The following GOLPH3L variants were observed in gnomAD, a reference collection of about 807,000 sequenced individuals.
GOLPH3L encodes the protein golgi phosphoprotein 3 like.
In GOLPH3L, 22 loss-of-function variants were observed where a neutral mutation model predicts 30.3. That is an observed-to-expected ratio of 0.73 (90% CI 0.52 to 1.04). GOLPH3L has a LOEUF of 1.04. Among genes scored for constraint, GOLPH3L ranks in the 50% least tolerant of loss-of-function variants. The pLI, the probability that GOLPH3L is intolerant of heterozygous loss-of-function variation, is 0.00. For missense variants in GOLPH3L, 303 were observed against 345.8 expected, an observed-to-expected ratio of 0.88 and a Z score of 0.98; for synonymous variants, 120 against 128.2, an observed-to-expected ratio of 0.94 and a Z score of 0.43.
At chr1:150,659,442 G>A (rs1440727599) in intron 4 of GOLPH3L, among the ~76,000 whole-genome samples, 1 of 152,174 alleles carries the variant, frequency 6.6e-6, no homozygotes, top group African/African-American at 2.4e-5. Flanking sequence ...TGAGAGATCC[G>A]TGCCTTAAGG....
chr1:150,670,535 T>C (rs1271827877), intron 2 of GOLPH3L, among the ~76,000 whole-genome samples: 1 of 152,048 alleles, frequency 6.6e-6, no homozygotes, highest in Non-Finnish European at 1.5e-5. Context: ...AGGCGGAGCT[T>C]GCAGTGAGCC....
intron 2 of GOLPH3L, among the ~76,000 whole-genome samples, chr1:150,692,801 C>T (rs1230099275): frequency 6.6e-6 from 1 of 152,120 alleles, no homozygotes; most frequent in African/African-American, 2.4e-5. Flanking sequence ...TTATATTAAC[C>T]ATTATAAACA....
intron 2 of GOLPH3L, among the ~76,000 whole-genome samples, chr1:150,688,732 C>T (rs901294811): frequency 6.6e-6 from 1 of 152,156 alleles, no homozygotes; most frequent in Non-Finnish European, 1.5e-5. Context: ...GCCTGGGTGA[C>T]AGAATGAGAT....
intron 2 of GOLPH3L, among the ~76,000 whole-genome samples, chr1:150,688,222 T>A (rs906847223): frequency 1.3e-5 from 2 of 152,224 alleles, no homozygotes; most frequent in African/African-American, 4.8e-5. Context: ...ATTTTCTGGA[T>A]ACACTGTATT....
At chr1:150,653,708 A>C (rs1327934681) in intron 4 of GOLPH3L, among the ~76,000 whole-genome samples, 1 of 151,450 alleles carries the variant, frequency 6.6e-6, no homozygotes, top group Admixed American at 6.6e-5. Flanking sequence ...TTCCCACCTG[A>C]GTGTCCCAAA....
chr1:150,655,483 C>CATGCA (rs1447759545), intron 4 of GOLPH3L, among the ~76,000 whole-genome samples: 1 of 152,106 alleles, frequency 6.6e-6, no homozygotes, highest in Non-Finnish European at 1.5e-5. Flanking sequence ...GGGCATGTCC[C>CATGCA]TGGTATGGGA....
At chr1:150,671,283 G>C (rs587708130) in intron 2 of GOLPH3L, among the ~76,000 whole-genome samples, 1 of 151,920 alleles carries the variant, frequency 6.6e-6, no homozygotes, top group African/African-American at 2.4e-5. Flanking sequence ...ATTTGTGTGT[G>C]TATTTCTGTT....
chr1:150,693,838 T>TATATAC (rs1651272148), intron 2 of GOLPH3L, among the ~76,000 whole-genome samples: 1 of 87,370 alleles, frequency 1.1e-5, no homozygotes, highest in African/African-American at 4.5e-5. Context: ...TATATATATA[T>TATATAC]ATATATATAT....
At chr1:150,682,940 T>C (rs1417273045) in intron 2 of GOLPH3L, among the ~76,000 whole-genome samples, 1 of 152,204 alleles carries the variant, frequency 6.6e-6, no homozygotes, top group Non-Finnish European at 1.5e-5. Context: ...CATGTTCCTA[T>C]AGCATTTTTT....
intron 2 of GOLPH3L, among the ~76,000 whole-genome samples, chr1:150,669,419 T>G (rs1465923432): frequency 6.6e-6 from 1 of 152,194 alleles, no homozygotes; most frequent in Non-Finnish European, 1.5e-5. Flanking sequence ...TCTATCTAAC[T>G]TAGTGAATTC....
chr1:150,684,496 T>C (rs773941441), intron 2 of GOLPH3L, among the ~76,000 whole-genome samples: 13 of 151,858 alleles, frequency 8.6e-5, no homozygotes, highest in Non-Finnish European at 1.6e-4. Flanking sequence ...TTTTAAGCTT[T>C]AAGATGCAAG....
chr1:150,664,584 G>T (rs1408056692), intron 2 of GOLPH3L, among the ~76,000 whole-genome samples: 1 of 152,050 alleles, frequency 6.6e-6, no homozygotes, highest in Admixed American at 6.6e-5. Flanking sequence ...CTCCTGAGTA[G>T]CTGGGATTAC....
At chr1:150,691,322 C>G (rs1651205795) in intron 2 of GOLPH3L, among the ~76,000 whole-genome samples, 1 of 152,122 alleles carries the variant, frequency 6.6e-6, no homozygotes, top group Admixed American at 6.6e-5. Flanking sequence ...TCAAGACCAG[C>G]CTGACCAATA....
intron 3 of GOLPH3L, 32 bp downstream of exon 3, chr1:150,663,600 T>G (rs780824642): frequency 6.4e-7 from 1 of 1,573,662 alleles, no homozygotes; most frequent in Non-Finnish European, 8.7e-7. Context: ...TGCCTTTCCA[T>G]AAGCCATGGA....
chr1:150,657,225 A>G (rs1368821746), intron 4 of GOLPH3L, among the ~76,000 whole-genome samples: 1 of 152,258 alleles, frequency 6.6e-6, no homozygotes, highest in Non-Finnish European at 1.5e-5. Context: ...CACTCACATT[A>G]GGGCTCATAA....
chr1:150,695,281 T>C (rs1254843924), intron 1 of GOLPH3L, among the ~76,000 whole-genome samples: 2 of 152,080 alleles, frequency 1.3e-5, no homozygotes, highest in Non-Finnish European at 2.9e-5. Flanking sequence ...GGATTACAGG[T>C]GTGCGCCACC....
intron 2 of GOLPH3L, among the ~76,000 whole-genome samples, chr1:150,664,070 C>T (rs1650437761): frequency 6.6e-6 from 1 of 151,962 alleles, no homozygotes; most frequent in South Asian, 2.1e-4. Flanking sequence ...ATGATCATGG[C>T]TCACTGCAGC....
chr1:150,673,838 T>C (rs1015543355), intron 2 of GOLPH3L, among the ~76,000 whole-genome samples: 4 of 149,670 alleles, frequency 2.7e-5, no homozygotes, highest in African/African-American at 9.9e-5. Flanking sequence ...GGCAGGAGAA[T>C]TGCTTGAACC....
At chr1:150,674,653 T>C (rs755821439) in intron 2 of GOLPH3L, among the ~76,000 whole-genome samples, 8 of 151,952 alleles carry the variant, frequency 5.3e-5, no homozygotes, top group Non-Finnish European at 8.8e-5. Flanking sequence ...GGCGGGAGGA[T>C]AGCTGAGGCA....
Sources: gnomAD v4.1 joint callset for allele counts (sites outside exome capture counted in the v4.1 genomes callset) on GRCh38, gnomAD v4.1.1 for gene constraint, MANE v1.5 for transcripts, NCBI Gene and HGNC (gene_info 2026-07-23, HGNC 2026-07-21) for gene names.